LIG1: variants seen among roughly 807,000 people sequenced by gnomAD.
LIG1 encodes ligase I, DNA, ATP-dependent.
In LIG1, 70 loss-of-function variants were observed where a neutral mutation model predicts 115.7. That is an observed-to-expected ratio of 0.60 (90% CI 0.50 to 0.74). The LOEUF is 0.74. LIG1 is among the 30% of genes least tolerant of loss of function. The pLI is 0.00. For missense variants in LIG1, 1,115 were observed against 1,225.6 expected, an observed-to-expected ratio of 0.91 and a Z score of 1.35; for synonymous variants, 487 against 495.3, an observed-to-expected ratio of 0.98 and a Z score of 0.22.
At chr19:48,143,739 C>A in intron 10 of LIG1, 140 bp from the exon 11 acceptor site, 1 of 1,070,786 alleles carries the variant, frequency 9.3e-7, no homozygotes, top group Non-Finnish European at 1.4e-6. Context: ...AGGGCTGTCT[C>A]TCTGTCCCTT....
At chr19:48,149,598 C>T (rs146407678) in intron 9 of LIG1, among the ~76,000 whole-genome samples, 165 bp downstream of exon 9, 3 of 152,246 alleles carry the variant, frequency 2.0e-5, no homozygotes, top group African/African-American at 7.2e-5. Flanking sequence ...GCAACAGGGG[C>T]CAAATGTGTC....
chr19:48,129,234 G>A (rs1224148499), intron 19 of LIG1, among the ~76,000 whole-genome samples: 1 of 151,724 alleles, frequency 6.6e-6, no homozygotes, highest in African/African-American at 2.4e-5. Flanking sequence ...TGTATTTTTA[G>A]TAGTCAGGGT....
At chr19:48,132,007 T>C (rs1256505782) in intron 18 of LIG1, among the ~76,000 whole-genome samples, 4 of 150,278 alleles carry the variant, frequency 2.7e-5, no homozygotes, top group Non-Finnish European at 5.9e-5. Flanking sequence ...GGCACGATCT[T>C]GGCTCACTGC....
chr19:48,137,859 C>T lies in LIG1; in HGVS notation c.1088-171G>A. The T allele has an allele frequency of 3.9e-6, 3 of 768,674 alleles. No individual in the cohort carries two copies. Among genetic ancestry groups the T allele is most frequent in the Non-Finnish European group, 6.4e-6 (3 of 470,736 alleles). The allele number at this position is 768,674 out of a possible 1,614,324, so 47.6% of individuals were successfully genotyped here. A position where few individuals can be genotyped will look rare whatever the true frequency, so the allele number is the denominator to read the frequency against. Reference sequence around the variant, plus strand: ...TGGTAGAAATGGCTTGGGGAACGTGCCCCCAGCCACGCTGGCTGTAGGAAG... The same window carrying T: ...TGGTAGAAATGGCTTGGGGAACGTGTCCCCAGCCACGCTGGCTGTAGGAAG... On this transcript the variant is annotated intron_variant, in intron 12 of 27. Transcript: ENST00000263274. The surrounding 1 kb of genome is among the most constrained non-coding windows in gnomAD (Gnocchi z 4.3).
At position 48,161,420 on chromosome 19, in the gene LIG1, G is replaced by A; in HGVS notation, c.195C>T (p.Gly65=). ...CTTCATCCTCCTCTTCCCCTTCGCT[G>A]CCCAGGACCCGGGCCGCCTTCCTCC... is the stretch of plus-strand genomic sequence containing the variant. ...RPGRKAARVL[G]SEGEEEDEAL... is the part of the protein sequence containing the mutation. The change falls in exon 4 of 28, where the codon GGC becomes GGT. Residue 65 remains glycine (G), a synonymous_variant. Coordinates refer to ENST00000263274, the MANE Select transcript of LIG1 (RefSeq NM_000234.3). 1.2e-6 allele frequency: 2 copies of A among 1,614,096 alleles called. No individual in the cohort carries two copies. The highest frequency in any genetic ancestry group is 1.1e-5 in the South Asian group (1 of 91,084).
At chr19:48,152,800 A>G (rs747317740) in intron 6 of LIG1, among the ~76,000 whole-genome samples, 14 of 152,246 alleles carry the variant, frequency 9.2e-5, no homozygotes, top group Admixed American at 2.0e-4. Flanking sequence ...ACAAAAATCA[A>G]CATAGAACAG....
chr19:48,134,049 T>A lies in LIG1; in HGVS notation c.1541A>T (p.Asp514Val). Reference sequence around the variant, plus strand: ...CTCCAGCAGCACGGGGATAATTCGGTCCAGGTCGGGAACCTCGCTGGGGTG... The same window carrying A: ...CTCCAGCAGCACGGGGATAATTCGGACCAGGTCGGGAACCTCGCTGGGGTG... ...KQTFCEVPDL[D>V]RIIPVLLEHG... is the part of the protein sequence containing the mutation. Residue 514 changes from aspartate to valine, a missense_variant, in exon 17 of 28, where the codon GAC becomes GTC. Transcript: ENST00000263274. 1 of 1,556,798 alleles carries A rather than the reference T, an allele frequency of 6.4e-7. No homozygotes were observed. Among genetic ancestry groups the A allele is most frequent in the Non-Finnish European group, 8.7e-7 (1 of 1,149,686 alleles).
rs201868704 is a variant in LIG1 at position 48,150,104 on chromosome 19, C to T, written c.681G>A (p.Thr227=). 733 of 1,614,176 alleles carry T rather than the reference C, an allele frequency of 4.5e-4. 5 individuals carry two copies. The highest frequency in any genetic ancestry group is 5.5e-5 in the South Asian group (5 of 91,082). ...QTKPPRRAPK[T]LSSFFTPRKP... Reference sequence around the variant, plus strand: ...GAAACTCACTGAAGAAGCTGCTGAGCGTCTTGGGAGCTCTGCGGGGAGGCT... The same window carrying T: ...GAAACTCACTGAAGAAGCTGCTGAGTGTCTTGGGAGCTCTGCGGGGAGGCT... The change falls in exon 8 of 28, where the codon ACG becomes ACA. Residue 227 remains threonine, a synonymous_variant. Coordinates refer to ENST00000263274, the MANE Select transcript of LIG1 (RefSeq NM_000234.3).
chr19:48,140,859 A>C (rs2034697801), intron 11 of LIG1, among the ~76,000 whole-genome samples: 1 of 151,396 alleles, frequency 6.6e-6, no homozygotes, highest in Non-Finnish European at 1.5e-5. Flanking sequence ...ATCTTTAAAA[A>C]CTCTGCTCCC....
In LIG1 at chr19:48,135,740, G is replaced by A. The variant is rs1378720321; in HGVS notation, c.1463C>T (p.Thr488Ile). The change falls in exon 16 of 28, where the codon ACA becomes ATA. Residue 488 changes from threonine to isoleucine, a missense_variant. Physicochemically the swap from Thr to Ile is moderately conservative, Grantham distance 89 (BLOSUM62 -1). Coordinates refer to ENST00000263274, the MANE Select transcript of LIG1 (RefSeq NM_000234.3). ...CAGCCACGTCTTTCTGGCCTCTGCT[G>A]TCTTGCCCTTCCCAGCATCCACCAT... ...PAMVDAGKGKTAEARKTWLEE... is the reference protein window; with the variant it reads ...PAMVDAGKGKIAEARKTWLEE... 1 of 1,614,148 alleles carries A rather than the reference G, an allele frequency of 6.2e-7. No homozygotes were observed. Among genetic ancestry groups the A allele is most frequent in the Non-Finnish European group, 8.5e-7 (1 of 1,180,012 alleles).
intron 1 of LIG1, among the ~76,000 whole-genome samples, chr19:48,166,092 CTG>C (rs1555783661): frequency 3.8e-3 from 581 of 152,268 alleles, no homozygotes; most frequent in Admixed American, 5.2e-3. Flanking sequence ...TGCTACTGAA[CTG>C]TGTAAAAGAG....
chr19:48,146,289 G>A (rs1451954234), intron 9 of LIG1, among the ~76,000 whole-genome samples: 2 of 152,082 alleles, frequency 1.3e-5, no homozygotes, highest in Non-Finnish European at 2.9e-5. Flanking sequence ...AGATCACTGA[G>A]GTCGGGAGTT....
chr19:48,151,054 G>C (rs2035442244), intron 7 of LIG1, among the ~76,000 whole-genome samples, 178 bp downstream of exon 7: 1 of 151,446 alleles, frequency 6.6e-6, no homozygotes, highest in African/African-American at 2.4e-5. Context: ...CACATGCATG[G>C]GGAAAAATAA....
Position 48,150,110 on chromosome 19 carries a change from G to C in LIG1, c.675C>G (p.Pro225=), listed in dbSNP as rs900120252. The change falls in exon 8 of 28, where the codon CCC becomes CCG. Residue 225 remains proline (P), a synonymous_variant. Coordinates refer to ENST00000263274, the MANE Select transcript of LIG1 (RefSeq NM_000234.3). The part of the protein sequence containing the change: ...EEQTKPPRRA[P]KTLSSFFTPR... ...CACTGAAGAAGCTGCTGAGCGTCTT[G>C]GGAGCTCTGCGGGGAGGCTTGGTCT... 6.2e-7 allele frequency: 1 copy of C among 1,614,066 alleles called. No homozygotes were observed. Among genetic ancestry groups the C allele is most frequent in the African/African-American group, 1.3e-5 (1 of 74,928 alleles).
chr19:48,134,987 T>A (rs1190642949), intron 16 of LIG1, among the ~76,000 whole-genome samples: 2 of 152,214 alleles, frequency 1.3e-5, no homozygotes, highest in Admixed American at 6.5e-5. Flanking sequence ...TCTGGAGCCC[T>A]CGTGGCCGCT....
intron 11 of LIG1, among the ~76,000 whole-genome samples, chr19:48,140,636 T>C (rs2034683281): frequency 6.6e-6 from 1 of 152,116 alleles, no homozygotes; most frequent in African/African-American, 2.4e-5. Context: ...GGGGATAACA[T>C]CACTACTGTA....
Position 48,149,844 on chromosome 19 carries a change from A to G in LIG1, c.698-3T>C, listed in dbSNP as rs200738698. Reference sequence around the variant, plus strand: ...TTTGACTGCTGGCTTCCGGGGGGCTAGGAATGAAGACAGAAAACAGTGGGT... The same window carrying G: ...TTTGACTGCTGGCTTCCGGGGGGCTGGGAATGAAGACAGAAAACAGTGGGT... On this transcript the variant is annotated splice_region_variant and splice_polypyrimidine_tract_variant and intron_variant, in intron 8 of 27. Coordinates refer to ENST00000263274, the MANE Select transcript of LIG1 (RefSeq NM_000234.3). The G allele has an allele frequency of 1.9e-6, 3 of 1,613,628 alleles. No individual in the cohort carries two copies. The highest frequency in any genetic ancestry group is 2.7e-5 in the African/African-American group (2 of 75,002).
chr19:48,155,167 A>G (rs921898814), intron 5 of LIG1, among the ~76,000 whole-genome samples: 1 of 151,922 alleles, frequency 6.6e-6, no homozygotes, highest in Non-Finnish European at 1.5e-5. Context: ...GCCACCTTTC[A>G]TTCAGGGATG....
intron 17 of LIG1, 174 bp from the exon 18 acceptor site, chr19:48,133,271 C>T: frequency 4.9e-6 from 3 of 614,262 alleles, no homozygotes; most frequent in Non-Finnish European, 5.9e-6. Flanking sequence ...CTACAGCCCC[C>T]GGCCTTCCTT....
Sources: allele counts gnomAD v4.1 joint callset (sites outside exome capture counted in the v4.1 genomes callset), GRCh38; gene constraint gnomAD v4.1.1; non-coding constraint Gnocchi (gnomAD v3.1); transcripts MANE v1.5; gene names NCBI Gene and HGNC (gene_info 2026-07-23, HGNC 2026-07-21).